ENOX1: variants seen among roughly 807,000 people sequenced by gnomAD.
ENOX1 encodes the protein candidate growth-related and time keeping constitutive hydroquinone (NADH) oxidase.
ENOX1 carries 42 observed loss-of-function variants against 82.5 expected under a neutral mutation model. That is an observed-to-expected ratio of 0.51 (90% confidence interval 0.40 to 0.66). The LOEUF (loss-of-function observed/expected upper bound fraction) is 0.66, where lower values mean the gene tolerates loss of function less well. ENOX1 is among the 30% of genes least tolerant of loss of function. ENOX1 has a pLI of 0.00. For missense variants in ENOX1, 608 were observed against 811.6 expected (o/e 0.75, Z 3.05); for synonymous variants, 271 against 282.2 (o/e 0.96, Z 0.40).
intron 12 of ENOX1, among the ~76,000 whole-genome samples, chr13:43,271,638 G>A (rs1377658057): frequency 1.3e-5 from 2 of 151,290 alleles, no homozygotes; most frequent in Non-Finnish European, 2.9e-5. Flanking sequence ...CATTGCATCC[G>A]CACACTTACA....
intron 5 of ENOX1, among the ~76,000 whole-genome samples, chr13:43,380,144 T>C (rs1238503938): frequency 1.3e-5 from 2 of 151,638 alleles, no homozygotes; most frequent in East Asian, 3.8e-4. Flanking sequence ...CCAGCAGATC[T>C]ATACTATAAG....
At position 43,604,207 on chromosome 13, in the gene ENOX1, C is replaced by T. The variant is rs1187996939; in HGVS notation, c.-219+63272G>A. Among the ~76,000 whole-genome samples, 7 of 150,666 alleles carry T rather than the reference C, an allele frequency of 4.6e-5. No homozygotes were observed. The East Asian group carries it at 9.9e-4, about 21-fold the overall frequency. On this transcript the variant is annotated intron_variant, in intron 2 of 16. Coordinates refer to ENST00000690772, the MANE Select transcript of ENOX1 (RefSeq NM_001347969.2). ...TCTTCTTTTGAGAAGTGTCTGTTCACGTCCTTTGCCCACCTTTTGATGGGG... is the reference window on the plus strand; with the variant it reads ...TCTTCTTTTGAGAAGTGTCTGTTCATGTCCTTTGCCCACCTTTTGATGGGG...
intron 1 of ENOX1, among the ~76,000 whole-genome samples, chr13:43,723,138 T>A (rs1449820682): frequency 6.6e-6 from 1 of 152,194 alleles, no homozygotes; most frequent in Non-Finnish European, 1.5e-5. Flanking sequence ...AGGCCCCGCC[T>A]TGGCAGAGCA....
chr13:43,512,341 C>T (rs544220594), intron 2 of ENOX1, among the ~76,000 whole-genome samples: 1 of 152,002 alleles, frequency 6.6e-6, no homozygotes, highest in African/African-American at 2.4e-5. Flanking sequence ...ATCCTGAGAA[C>T]AAAAGCTGGC....
chr13:43,734,746 T>C (rs1156674168), intron 1 of ENOX1, among the ~76,000 whole-genome samples: 1 of 152,176 alleles, frequency 6.6e-6, no homozygotes, highest in African/African-American at 2.4e-5. Context: ...AGCATTCCTA[T>C]TGAAGGCGCT....
chr13:43,696,799 T>TC (rs2086662774), intron 1 of ENOX1, among the ~76,000 whole-genome samples: 1 of 151,336 alleles, frequency 6.6e-6, no homozygotes, highest in South Asian at 2.1e-4. Context: ...CCTTTGCTTT[T>TC]TTTTTTTTTT....
chr13:43,213,801 T>G lies in ENOX1; in HGVS notation c.*189A>C, dbSNP rs985329087. On this transcript the variant is annotated 3_prime_UTR_variant, in exon 17 of 17. Coordinates refer to ENST00000690772, the MANE Select transcript of ENOX1 (RefSeq NM_001347969.2). The stretch of plus-strand genomic sequence containing the variant: ...ATCTGTCACAGTATGAAGCTTTGTT[T>G]ATTTTAAGAAACTGGTACACAATTA... 1.5e-5 allele frequency: 7 copies of G among 478,264 alleles called. No homozygotes were observed. The Admixed American group carries it at 2.3e-4, about 16-fold the overall frequency. 29.6% of individuals were successfully genotyped at this position (478,264 alleles called of 1,614,324 possible).
At chr13:43,697,406 T>C (rs1244670868) in intron 1 of ENOX1, among the ~76,000 whole-genome samples, 1 of 152,118 alleles carries the variant, frequency 6.6e-6, no homozygotes, top group East Asian at 1.9e-4. Context: ...ATGCAAGGGC[T>C]TGGGAAACTG....
chr13:43,435,711 C>T (rs1566213028), intron 3 of ENOX1, among the ~76,000 whole-genome samples: 1 of 152,002 alleles, frequency 6.6e-6, no homozygotes, highest in African/African-American at 2.4e-5. Context: ...GGTTCAGAAA[C>T]AAAATTCTGC....
chr13:43,301,487 G>A (rs1249722610), intron 11 of ENOX1, among the ~76,000 whole-genome samples: 1 of 151,080 alleles, frequency 6.6e-6, no homozygotes, highest in Non-Finnish European at 1.5e-5. Context: ...TGACTACAGT[G>A]CCTGCCAAGC....
chr13:43,230,502 C>T (rs554752587), intron 15 of ENOX1, among the ~76,000 whole-genome samples: 1 of 152,178 alleles, frequency 6.6e-6, no homozygotes, highest in Admixed American at 6.5e-5. Context: ...TGATGCTCCA[C>T]TTACATACAA....
rs141530435 is a variant in ENOX1 at position 43,682,699 on chromosome 13, C to A, written c.-284-15155G>T. ...AGTTTCTAAGGAAGGGGAAAAAAAA[C>A]CACATTGCTGCATCCTCCTACCCTG... On this transcript the variant is annotated intron_variant, in intron 1 of 16. Coordinates refer to ENST00000690772, the MANE Select transcript of ENOX1 (RefSeq NM_001347969.2). Among the ~76,000 whole-genome samples, 482 of 152,140 alleles carry A rather than the reference C, an allele frequency of 3.2e-3. 6 individuals carry two copies. The highest frequency in any genetic ancestry group is 0.014 in the Middle Eastern group (4 of 294).
chr13:43,643,140 C>G (rs1246735922), intron 2 of ENOX1, among the ~76,000 whole-genome samples: 1 of 152,162 alleles, frequency 6.6e-6, no homozygotes, highest in East Asian at 1.9e-4. Flanking sequence ...TGTGCAAGCT[C>G]CCCTACTGTA....
At chr13:43,712,877 C>T (rs1273692908) in intron 1 of ENOX1, among the ~76,000 whole-genome samples, 4 of 151,738 alleles carry the variant, frequency 2.6e-5, no homozygotes, top group African/African-American at 7.3e-5. Context: ...ATTTGACTTC[C>T]TCTTTTCCTA....
intron 9 of ENOX1, among the ~76,000 whole-genome samples, chr13:43,341,718 T>C (rs1235941761): frequency 6.6e-6 from 1 of 152,214 alleles, no homozygotes; most frequent in Non-Finnish European, 1.5e-5. Context: ...GGAAGCACTC[T>C]GTATGGCAAA....
chr13:43,619,406 A>C (rs2082626508), intron 2 of ENOX1, among the ~76,000 whole-genome samples: 1 of 152,054 alleles, frequency 6.6e-6, no homozygotes, highest in Admixed American at 6.6e-5. Flanking sequence ...GGCTTTTATT[A>C]CATTAAGGTA....
intron 1 of ENOX1, among the ~76,000 whole-genome samples, chr13:43,780,078 G>A (rs894065131): frequency 7.3e-5 from 11 of 151,628 alleles, no homozygotes; most frequent in Admixed American, 5.9e-4. Context: ...GGAGAATGGC[G>A]TGAACCCGGG....
At chr13:43,748,303 T>C (rs1268539661) in intron 1 of ENOX1, among the ~76,000 whole-genome samples, 3 of 152,182 alleles carry the variant, frequency 2.0e-5, no homozygotes, top group African/African-American at 2.4e-5. Context: ...CTCCAAACTA[T>C]AATGCCCAAC....
At chr13:43,588,155 A>G (rs2081078562) in intron 2 of ENOX1, among the ~76,000 whole-genome samples, 1 of 152,206 alleles carries the variant, frequency 6.6e-6, no homozygotes, top group Non-Finnish European at 1.5e-5. Context: ...TAATTAACAT[A>G]TATAGTTAAT....
Sources: gnomAD v4.1 joint callset for allele counts (sites outside exome capture counted in the v4.1 genomes callset) on GRCh38, gnomAD v4.1.1 for gene constraint, MANE v1.5 for transcripts, NCBI Gene and HGNC (gene_info 2026-07-23, HGNC 2026-07-21) for gene names.